MTHFS: variants seen among roughly 807,000 people sequenced by gnomAD.
The protein encoded by MTHFS is 5-formyltetrahydrofolate cyclo-ligase.
A neutral mutation model predicts 12.7 loss-of-function variants in MTHFS; 7 were observed. The observed-to-expected ratio is 0.55, with a 90% confidence interval of 0.31 to 1.03. The LOEUF (loss-of-function observed/expected upper bound fraction) is 1.03, where lower values mean the gene tolerates loss of function less well. Among genes scored for constraint, MTHFS ranks in the 50% least tolerant of loss-of-function variants. The pLI, the probability that MTHFS is intolerant of heterozygous loss-of-function variation, is 0.05. For missense variants in MTHFS, 252 were observed against 258.1 expected, an observed-to-expected ratio of 0.98 and a Z score of 0.16; for synonymous variants, 100 against 97.1, an observed-to-expected ratio of 1.03 and a Z score of -0.18.
At chr15:79,858,031 A>AAAAAAAG (rs2033842839) in intron 2 of MTHFS, among the ~76,000 whole-genome samples, 2 of 151,264 alleles carry the variant, frequency 1.3e-5, no homozygotes, top group Non-Finnish European at 2.9e-5. Flanking sequence ...AAAAAAAAAA[A>AAAAAAAG]AAAACATAAT....
chr15:79,897,043 T>C (rs2034593997), upstream of MTHFS: 1 of 1,477,636 alleles, frequency 6.8e-7, no homozygotes, highest in Non-Finnish European at 8.9e-7. Context: ...GCCCTCGGGT[T>C]CGGTCTCCGC....
intron 1 of MTHFS, among the ~76,000 whole-genome samples, chr15:79,894,319 T>C (rs1021759985): frequency 6.6e-6 from 1 of 152,076 alleles, no homozygotes; most frequent in African/African-American, 2.4e-5. Context: ...AGGCAGAGGT[T>C]GCAGTGAGCC....
chr15:79,865,658 AC>A, intron 2 of MTHFS, among the ~76,000 whole-genome samples: 1 of 152,176 alleles, frequency 6.6e-6, no homozygotes, highest in Admixed American at 6.5e-5. Flanking sequence ...ATCCCTGCTT[AC>A]CCTCAGCAGT....
chr15:79,866,051 T>G (rs1041283020), intron 2 of MTHFS, among the ~76,000 whole-genome samples: 22 of 152,152 alleles, frequency 1.4e-4, no homozygotes, highest in Admixed American at 2.6e-4. Flanking sequence ...TATAAGTTTT[T>G]TTTTTTTTTT....
chr15:79,852,604 T>C (rs2033736079), intron 2 of MTHFS, among the ~76,000 whole-genome samples: 1 of 152,190 alleles, frequency 6.6e-6, no homozygotes, highest in Non-Finnish European at 1.5e-5. Context: ...CCATAATTGA[T>C]CACTTCTGCA....
At chr15:79,884,237 A>G (rs774002818) in intron 2 of MTHFS, among the ~76,000 whole-genome samples, 2 of 152,244 alleles carry the variant, frequency 1.3e-5, no homozygotes, top group Non-Finnish European at 2.9e-5. Context: ...CGTATTTTCC[A>G]TTACTAGGAA....
At chr15:79,852,366 C>T (rs966191179) in intron 2 of MTHFS, among the ~76,000 whole-genome samples, 10 of 152,142 alleles carry the variant, frequency 6.6e-5, no homozygotes, top group African/African-American at 2.4e-4. Flanking sequence ...TGATTATATA[C>T]AAAAATTGGG....
chr15:79,856,589 T>C (rs2033807154), intron 2 of MTHFS, among the ~76,000 whole-genome samples: 1 of 152,210 alleles, frequency 6.6e-6, no homozygotes, highest in Non-Finnish European at 1.5e-5. Context: ...GAAAGTAGAA[T>C]GGTGGTTACC....
chr15:79,894,710 T>C (rs1290620491), intron 1 of MTHFS, among the ~76,000 whole-genome samples: 2 of 152,226 alleles, frequency 1.3e-5, no homozygotes, highest in East Asian at 1.9e-4. Context: ...CTACCTTCTT[T>C]ATGCCTAAGG....
At chr15:79,863,223 G>A (rs1027074443) in intron 2 of MTHFS, among the ~76,000 whole-genome samples, 5 of 152,018 alleles carry the variant, frequency 3.3e-5, no homozygotes, top group Admixed American at 6.5e-5. Context: ...TCATCCATTC[G>A]AATCCATCAG....
chr15:79,867,597 T>A (rs1171634558), intron 2 of MTHFS, among the ~76,000 whole-genome samples: 1 of 151,130 alleles, frequency 6.6e-6, no homozygotes, highest in Non-Finnish European at 1.5e-5. Flanking sequence ...TAGAAAAAAA[T>A]GTAATGATGG....
intron 2 of MTHFS, among the ~76,000 whole-genome samples, chr15:79,852,813 T>C (rs960584506): frequency 6.6e-6 from 1 of 152,208 alleles, no homozygotes; most frequent in Non-Finnish European, 1.5e-5. Context: ...TCTGTGTGCA[T>C]CTTATATTTA....
At chr15:79,868,333 T>C (rs1210844732) in intron 2 of MTHFS, among the ~76,000 whole-genome samples, 1 of 152,264 alleles carries the variant, frequency 6.6e-6, no homozygotes, top group African/African-American at 2.4e-5. Context: ...GAGTCATTAT[T>C]GAAAGAGCTC....
intron 2 of MTHFS, among the ~76,000 whole-genome samples, chr15:79,846,909 T>C (rs16971429): frequency 0.16 from 23,914 of 152,272 alleles, 2,033 homozygotes; most frequent in Middle Eastern, 0.2. Flanking sequence ...CTTTACAGTA[T>C]GGCAAGGTGC....
At chr15:79,848,712 C>G (rs1317970629) in intron 2 of MTHFS, among the ~76,000 whole-genome samples, 3 of 152,156 alleles carry the variant, frequency 2.0e-5, no homozygotes, top group Non-Finnish European at 4.4e-5. Context: ...AATCTACTCC[C>G]TCTTTTCTTG....
chr15:79,878,068 A>C lies in MTHFS; in HGVS notation c.379+11025T>G, dbSNP rs528393609. 1.6e-4 allele frequency: 24 copies of C among 152,268 alleles called. 1 individual carries two copies. Among genetic ancestry groups the C allele is most frequent in the Admixed American group, 1.1e-3 (17 of 15,288 alleles). 9.4% of individuals were successfully genotyped at this position (152,268 alleles called of 1,614,324 possible). A position where few individuals can be genotyped will look rare whatever the true frequency, so the allele number is the denominator to read the frequency against. On this transcript the variant is annotated intron_variant, in intron 2 of 2. Transcript: ENST00000258874. Reference sequence around the variant, plus strand: ...TAACTTGAATTCACAGGAAAGAATGAAGAACACTGGAAACAGTAAGTAGGA... The same window carrying C: ...TAACTTGAATTCACAGGAAAGAATGCAGAACACTGGAAACAGTAAGTAGGA...
chr15:79,859,069 C>T (rs1337508988), intron 2 of MTHFS, among the ~76,000 whole-genome samples: 2 of 152,188 alleles, frequency 1.3e-5, no homozygotes, highest in African/African-American at 4.8e-5. Context: ...CAAAGGAACA[C>T]AGCAAAGTCC....
chr15:79,850,957 C>G (rs553011291), intron 2 of MTHFS, among the ~76,000 whole-genome samples: 11 of 152,226 alleles, frequency 7.2e-5, no homozygotes, highest in African/African-American at 2.6e-4. Flanking sequence ...CCTAAGATGT[C>G]CTGAACTCAG....
chr15:79,870,292 T>C (rs1257231424), intron 2 of MTHFS, among the ~76,000 whole-genome samples: 2 of 152,210 alleles, frequency 1.3e-5, no homozygotes, highest in East Asian at 1.9e-4. Flanking sequence ...AGAGTTGTAT[T>C]GGAACACTGT....
Sources: allele counts gnomAD v4.1 joint callset (sites outside exome capture counted in the v4.1 genomes callset), GRCh38; gene constraint gnomAD v4.1.1; transcripts MANE v1.5; gene names NCBI Gene and HGNC (gene_info 2026-07-23, HGNC 2026-07-21).